SYT1: variants seen among roughly 807,000 people sequenced by gnomAD.
SYT1 encodes the protein synaptotagmin 1.
Under a neutral mutation model 44.8 loss-of-function variants are expected in SYT1, and 8 were observed. That is an observed-to-expected ratio of 0.18 (90% CI 0.10 to 0.32). SYT1 has a LOEUF of 0.32. Ranked by LOEUF, SYT1 falls within the 10% of genes least tolerant of loss-of-function variation. The pLI is 1.00. For synonymous variants in SYT1, 154 were observed against 188.8 expected, an observed-to-expected ratio of 0.82 and a Z score of 1.51; for missense variants, 286 against 509.3, an observed-to-expected ratio of 0.56 and a Z score of 4.22.
At chr12:79,011,164 G>A (rs1447678413) in intron 2 of SYT1, among the ~76,000 whole-genome samples, 1 of 152,168 alleles carries the variant, frequency 6.6e-6, no homozygotes, top group East Asian at 1.9e-4. Context: ...AGTTAAGGAA[G>A]AGACCACAGT....
chr12:78,979,078 T>C (rs946303751), intron 2 of SYT1, among the ~76,000 whole-genome samples: 1 of 152,182 alleles, frequency 6.6e-6, no homozygotes, highest in African/African-American at 2.4e-5. Context: ...TTTCAAATTA[T>C]CATTATTTCT....
chr12:79,244,773 C>A (rs1449338716), intron 4 of SYT1, among the ~76,000 whole-genome samples: 1 of 150,660 alleles, frequency 6.6e-6, no homozygotes, highest in Non-Finnish European at 1.5e-5. Flanking sequence ...CGCTAAGTTT[C>A]CACACATCTC....
At chr12:79,009,188 G>C (rs530080462) in intron 2 of SYT1, among the ~76,000 whole-genome samples, 3 of 152,054 alleles carry the variant, frequency 2.0e-5, no homozygotes, top group Non-Finnish European at 4.4e-5. Flanking sequence ...CTCTATAAAT[G>C]GTTAGTACTT....
intron 1 of SYT1, among the ~76,000 whole-genome samples, chr12:78,945,120 G>T (rs1592591301): frequency 6.6e-6 from 1 of 152,160 alleles, no homozygotes; most frequent in South Asian, 2.1e-4. Context: ...TTAAAAGAAT[G>T]TGTAGCCACA....
chr12:79,213,590 C>CT (rs1354849623), intron 3 of SYT1, among the ~76,000 whole-genome samples: 2 of 152,154 alleles, frequency 1.3e-5, no homozygotes, highest in Admixed American at 1.3e-4. Context: ...AGTAGAATAT[C>CT]TTTTTTTCTG....
chr12:78,953,191 T>A (rs1879052338), intron 1 of SYT1, among the ~76,000 whole-genome samples: 2 of 152,006 alleles, frequency 1.3e-5, no homozygotes, highest in Non-Finnish European at 1.5e-5. Context: ...TAGACTATTG[T>A]GAGTCTGGAG....
intron 3 of SYT1, among the ~76,000 whole-genome samples, chr12:79,208,316 T>C (rs1037813527): frequency 6.6e-6 from 1 of 152,082 alleles, no homozygotes; most frequent in Non-Finnish European, 1.5e-5. Flanking sequence ...GCTTTAATGG[T>C]GTGAATTGAT....
chr12:78,961,388 T>A (rs1316859379), intron 1 of SYT1, among the ~76,000 whole-genome samples: 1 of 152,104 alleles, frequency 6.6e-6, no homozygotes, highest in Non-Finnish European at 1.5e-5. Flanking sequence ...GGACTACAGG[T>A]ACCAGCCACT....
Position 79,388,152 on chromosome 12 carries a change from C to T in SYT1, c.928+34533C>T, listed in dbSNP as rs571167919. 6.2e-4 allele frequency among the ~76,000 whole-genome samples: 94 copies of T among 152,276 alleles called. 2 individuals are homozygous for T. The South Asian group carries it at 0.019, about 31-fold the overall frequency. Reference sequence around the variant, plus strand: ...TGCATACATACTTTTTCTTCTACTGCATTGTACAAACATTTAAACCTGTGT... The same window carrying T: ...TGCATACATACTTTTTCTTCTACTGTATTGTACAAACATTTAAACCTGTGT... On this transcript the variant is annotated intron_variant, in intron 9 of 10. Transcript: ENST00000261205.
intron 9 of SYT1, among the ~76,000 whole-genome samples, chr12:79,399,776 T>C (rs1251656849): frequency 6.6e-6 from 1 of 152,220 alleles, no homozygotes; most frequent in African/African-American, 2.4e-5. Flanking sequence ...GTCTGGGTGG[T>C]GCCCAAGAAT....
chr12:79,165,367 T>G (rs2138325856), intron 3 of SYT1, among the ~76,000 whole-genome samples: 1 of 152,082 alleles, frequency 6.6e-6, no homozygotes. Context: ...AATAAAAGCT[T>G]TTTTCTGGGC....
chr12:79,235,866 A>G (rs1401997127), intron 4 of SYT1, among the ~76,000 whole-genome samples: 1 of 152,128 alleles, frequency 6.6e-6, no homozygotes, highest in Non-Finnish European at 1.5e-5. Context: ...GTTCAACTAT[A>G]TACCCATTAG....
At chr12:79,349,919 T>C (rs1387398735) in intron 8 of SYT1, among the ~76,000 whole-genome samples, 1 of 152,202 alleles carries the variant, frequency 6.6e-6, no homozygotes, top group Non-Finnish European at 1.5e-5. Context: ...AATTCTTCTA[T>C]GTTGATGGAC....
At chr12:78,992,869 T>TG (rs983399323) in intron 2 of SYT1, among the ~76,000 whole-genome samples, 2 of 152,120 alleles carry the variant, frequency 1.3e-5, no homozygotes, top group African/African-American at 4.8e-5. Flanking sequence ...TGGGCACTTG[T>TG]GGGAAAAAAG....
intron 2 of SYT1, among the ~76,000 whole-genome samples, chr12:79,004,443 G>A (rs146616163): frequency 5.4e-4 from 82 of 151,834 alleles, no homozygotes; most frequent in African/African-American, 1.7e-3. Context: ...TTATACTATC[G>A]TTTTCTTTAG....
chr12:79,162,485 T>C (rs1871007557), intron 3 of SYT1, among the ~76,000 whole-genome samples: 1 of 152,160 alleles, frequency 6.6e-6, no homozygotes, highest in African/African-American at 2.4e-5. Context: ...ACCATTCTAT[T>C]CACTGTTCCT....
intron 9 of SYT1, among the ~76,000 whole-genome samples, chr12:79,427,508 A>C (rs1260442213): frequency 6.6e-6 from 1 of 152,238 alleles, no homozygotes; most frequent in African/African-American, 2.4e-5. Context: ...AAACAATAAA[A>C]ACGGAAATGG....
chr12:78,949,472 C>T (rs529062968), intron 1 of SYT1, among the ~76,000 whole-genome samples: 1 of 142,388 alleles, frequency 7.0e-6, no homozygotes, highest in Admixed American at 7.5e-5. Context: ...GACAATATAG[C>T]TCATTAAAAA....
intron 2 of SYT1, among the ~76,000 whole-genome samples, chr12:79,003,434 A>G (rs1870872473): frequency 6.6e-6 from 1 of 151,936 alleles, no homozygotes; most frequent in Non-Finnish European, 1.5e-5. Flanking sequence ...TGCAACACAT[A>G]TGTTATTTAA....
Sources: gnomAD v4.1 joint callset for allele counts (sites outside exome capture counted in the v4.1 genomes callset) on GRCh38, gnomAD v4.1.1 for gene constraint, MANE v1.5 for transcripts, NCBI Gene and HGNC (gene_info 2026-07-23, HGNC 2026-07-21) for gene names.